Variants in RIN2 observed in about 807,000 individuals in gnomAD.
The protein encoded by RIN2 is RAB5 interacting protein 2.
RIN2 carries 36 observed loss-of-function variants against 78.0 expected under a neutral mutation model. The observed-to-expected ratio is 0.46, with a 90% confidence interval of 0.35 to 0.61. RIN2 has a LOEUF of 0.61. Ranked by LOEUF, RIN2 falls within the 20% of genes least tolerant of loss-of-function variation. The pLI is 0.00. For missense variants in RIN2, 1,087 were observed against 1,159.7 expected (o/e 0.94, Z 0.91); for synonymous variants, 466 against 466.8 (o/e 1.00, Z 0.02).
intron 2 of RIN2, among the ~76,000 whole-genome samples, chr20:19,838,811 G>A (rs1022637041): frequency 8.5e-5 from 13 of 152,290 alleles, no homozygotes; most frequent in Non-Finnish European, 4.4e-5. Flanking sequence ...AGTGTGGGAA[G>A]TAACTCTGGG....
intron 2 of RIN2, among the ~76,000 whole-genome samples, chr20:19,835,144 G>A (rs6112600): frequency 0.01 from 1,520 of 148,532 alleles, 32 homozygotes; most frequent in African/African-American, 0.036. Flanking sequence ...GGAAGGGAGG[G>A]AGGAAGGAAG....
intron 1 of RIN2, among the ~76,000 whole-genome samples, chr20:19,787,856 A>T (rs73122224): frequency 0.012 from 1,867 of 152,272 alleles, 24 homozygotes; most frequent in South Asian, 0.025. Context: ...CTTACTGGCA[A>T]CCATGTTACT....
chr20:19,957,830 C>G (rs2041603412), intron 5 of RIN2, among the ~76,000 whole-genome samples: 1 of 152,182 alleles, frequency 6.6e-6, no homozygotes, highest in Non-Finnish European at 1.5e-5. Context: ...GCTCTCTGGC[C>G]TCGGCTGGCT....
At chr20:19,867,473 G>A (rs543796600) in intron 2 of RIN2, among the ~76,000 whole-genome samples, 1 of 152,234 alleles carries the variant, frequency 6.6e-6, no homozygotes, top group South Asian at 2.1e-4. Context: ...ATTGAATTGA[G>A]TTGTCACTTC....
chr20:19,808,732 G>A (rs376252619), intron 2 of RIN2, among the ~76,000 whole-genome samples: 82 of 152,190 alleles, frequency 5.4e-4, no homozygotes, highest in Middle Eastern at 3.2e-3. Context: ...CCTGCTGCTC[G>A]CCACGCAATA....
intron 2 of RIN2, among the ~76,000 whole-genome samples, chr20:19,856,381 G>A (rs1413511578): frequency 1.3e-5 from 2 of 152,110 alleles, no homozygotes; most frequent in Non-Finnish European, 2.9e-5. Flanking sequence ...ATTTTAATTA[G>A]CAGTAGTTGG....
At chr20:19,971,267 C>T (rs1472341909) in intron 8 of RIN2, among the ~76,000 whole-genome samples, 1 of 151,840 alleles carries the variant, frequency 6.6e-6, no homozygotes, top group African/African-American at 2.4e-5. Context: ...TCTAGAGTAA[C>T]GTCTGTTCCA....
Position 19,975,332 on chromosome 20 carries a change from C to T in RIN2, c.1307C>T (p.Thr436Ile), listed in dbSNP as rs1436689711. 1 of 1,611,622 alleles carries T rather than the reference C, an allele frequency of 6.2e-7. No homozygotes were observed. Among genetic ancestry groups the T allele is most frequent in the Non-Finnish European group, 8.5e-7 (1 of 1,178,962 alleles). The change falls in exon 9 of 13, where the codon ACT becomes ATT. Residue 436 changes from threonine (T) to isoleucine (I), a missense_variant. Thr to Ile is a moderately conservative substitution (Grantham distance 89, BLOSUM62 -1). Transcript: ENST00000255006. This position sits in a 1 kb window ranked among gnomAD's most constrained non-coding sequence, Gnocchi z 4.9. ...RQRLSDMSIS[T>I]SSSDSLEFDR... ...CGGCTGAGCGACATGAGCATTTCTA[C>T]TTCCTCCTCCGACTCGCTGGAGTTC...
At chr20:19,758,029 C>G (rs1431353034), upstream of RIN2, 1 of 152,348 alleles carries the variant, frequency 6.6e-6, no homozygotes, top group Non-Finnish European at 1.5e-5. Context: ...GCGCAGGCGC[C>G]TTGGTCGCTG....
intron 4 of RIN2, among the ~76,000 whole-genome samples, chr20:19,944,515 T>C (rs1046770453): frequency 1.3e-5 from 2 of 152,196 alleles, no homozygotes; most frequent in African/African-American, 2.4e-5. Context: ...CTCTTGTAGC[T>C]AGAAGCCTGG....
intron 1 of RIN2, among the ~76,000 whole-genome samples, chr20:19,793,812 A>C (rs534529865): frequency 6.6e-6 from 1 of 152,330 alleles, no homozygotes; most frequent in Admixed American, 6.5e-5. Flanking sequence ...GAAAGACTGG[A>C]GAAGCCTAGA....
chr20:19,804,821 G>C (rs6106134), intron 2 of RIN2, among the ~76,000 whole-genome samples: 58,554 of 151,868 alleles, frequency 0.39, 13,268 homozygotes, highest in African/African-American at 0.64. Context: ...GTAAATCCAT[G>C]TGGGTTTTTT....
At chr20:19,963,945 C>T (rs569915207) in intron 6 of RIN2, among the ~76,000 whole-genome samples, 54 of 146,916 alleles carry the variant, frequency 3.7e-4, no homozygotes, top group Non-Finnish European at 6.5e-4. Flanking sequence ...CTCACTGCAA[C>T]GTCCACCTCC....
chr20:19,758,444 ACT>A (rs1394759941), intron 1 of RIN2, 117 bp downstream of exon 1: 2 of 150,456 alleles, frequency 1.3e-5, no homozygotes, highest in African/African-American at 4.9e-5. Context: ...TGCTGTGCGC[ACT>A]CTCTCCCTAC....
intron 2 of RIN2, among the ~76,000 whole-genome samples, chr20:19,845,366 C>T (rs969668940): frequency 2.0e-5 from 3 of 152,170 alleles, no homozygotes; most frequent in Non-Finnish European, 4.4e-5. Context: ...TAAAAGCTTT[C>T]CTATTTCTCC....
chr20:19,799,266 CT>C (rs1449241815), intron 1 of RIN2, among the ~76,000 whole-genome samples: 1 of 152,070 alleles, frequency 6.6e-6, no homozygotes, highest in Non-Finnish European at 1.5e-5. Context: ...TTTCGGGATC[CT>C]TTTTGTAGGA....
intron 2 of RIN2, among the ~76,000 whole-genome samples, chr20:19,819,604 C>A (rs6046342): frequency 0.063 from 9,664 of 152,278 alleles, 594 homozygotes; most frequent in African/African-American, 0.16. Flanking sequence ...GGCACAATCA[C>A]GGCTCACTGT....
intron 2 of RIN2, among the ~76,000 whole-genome samples, chr20:19,865,759 T>C (rs757686908): frequency 6.6e-6 from 1 of 152,122 alleles, no homozygotes; most frequent in Non-Finnish European, 1.5e-5. Flanking sequence ...CCCAAAGTGC[T>C]GGGATTACAA....
intron 3 of RIN2, among the ~76,000 whole-genome samples, chr20:19,911,440 C>CCTGCGACACAGGT (rs2039462147): frequency 6.6e-6 from 1 of 152,198 alleles, no homozygotes; most frequent in Non-Finnish European, 1.5e-5. Flanking sequence ...TCTGAAAATA[C>CCTGCGACACAGGT]ATTGGAGACA....
Sources: allele counts gnomAD v4.1 joint callset (sites outside exome capture counted in the v4.1 genomes callset), GRCh38; gene constraint gnomAD v4.1.1; non-coding constraint Gnocchi (gnomAD v3.1); transcripts MANE v1.5; gene names NCBI Gene and HGNC (gene_info 2026-07-23, HGNC 2026-07-21).